Variants in CCDC85C observed in about 807,000 individuals in gnomAD.
The protein encoded by CCDC85C is coiled-coil domain-containing protein 85C.
In CCDC85C, 18 loss-of-function variants were observed where a neutral mutation model predicts 38.3. That is an observed-to-expected ratio of 0.47 (90% CI 0.33 to 0.70). The LOEUF (loss-of-function observed/expected upper bound fraction) is 0.70. CCDC85C is among the 30% of genes least tolerant of loss of function. The probability of loss-of-function intolerance (pLI) is 0.03; values close to 1 mark genes in which losing one functional copy is unlikely to be tolerated. For synonymous variants in CCDC85C, 264 were observed against 293.8 expected (o/e 0.90, Z 1.04); for missense variants, 566 against 621.2 (o/e 0.91, Z 0.94).
rs1232472621 is a variant in CCDC85C, at chr14:99,509,809, G to T, written c.*5437C>A. 8.7e-6 allele frequency: 3 copies of T among 344,870 alleles called. No homozygotes were observed. Among genetic ancestry groups the T allele is most frequent in the Admixed American group, 8.9e-5 (2 of 22,594 alleles). The allele number at this position is 344,870 out of a possible 1,614,324, so 21.4% of individuals were successfully genotyped here. On this transcript the variant is annotated 3_prime_UTR_variant, in exon 6 of 6. Transcript: ENST00000380243. The stretch of plus-strand genomic sequence containing the variant: ...TGACCCCTGGGGTCAGTTTCTGAAG[G>T]CAGAAAAACAGAGGAGCCCCCACAC...
intron 1 of CCDC85C, among the ~76,000 whole-genome samples, chr14:99,579,707 CA>C (rs2054944507): frequency 6.6e-6 from 1 of 152,184 alleles, no homozygotes; most frequent in Non-Finnish European, 1.5e-5. Context: ...CAGCGGGAGG[CA>C]GGGGCAGGCC....
chr14:99,563,527 AT>A (rs1298043706), intron 1 of CCDC85C, among the ~76,000 whole-genome samples: 1 of 152,252 alleles, frequency 6.6e-6, no homozygotes, highest in Non-Finnish European at 1.5e-5. Context: ...GGGCAGGTAC[AT>A]CCCCCAAAGG....
rs1160995415 is a variant in CCDC85C at position 99,511,896 on chromosome 14, C to T, written c.*3350G>A. ...CTGGAGGAGCAGCGGCCTCACTGTCCACCTTGAGGGGCCACGGCTCTGTCT... is the reference window on the plus strand; with the variant it reads ...CTGGAGGAGCAGCGGCCTCACTGTCTACCTTGAGGGGCCACGGCTCTGTCT... On this transcript the variant is annotated 3_prime_UTR_variant, in exon 6 of 6. Transcript: ENST00000380243. 2 of 152,410 alleles carry T rather than the reference C, an allele frequency of 1.3e-5. No homozygotes were observed. Among genetic ancestry groups the T allele is most frequent in the African/African-American group, 4.8e-5 (2 of 41,458 alleles). 9.4% of individuals were successfully genotyped at this position (152,410 alleles called of 1,614,324 possible). A position where few individuals can be genotyped will look rare whatever the true frequency, so the allele number is the denominator to read the frequency against.
intron 1 of CCDC85C, among the ~76,000 whole-genome samples, chr14:99,550,516 T>C (rs573364854): frequency 1.1e-4 from 17 of 152,314 alleles, no homozygotes; most frequent in Non-Finnish European, 1.8e-4. Context: ...GGTGTAGTCA[T>C]GTGTGACAGC....
Position 99,503,171 on chromosome 14 carries a change from CTG to C in CCDC85C, c.*12073_*12074del. 1.3e-6 allele frequency: 1 copy of C among 741,994 alleles called. No homozygotes were observed. The highest frequency in any genetic ancestry group is 1.5e-5 in the South Asian group (1 of 67,826). The allele number at this position is 741,994 out of a possible 1,614,324, so 46.0% of individuals were successfully genotyped here. A position where few individuals can be genotyped will look rare whatever the true frequency, so the allele number is the denominator to read the frequency against. Reference sequence around the variant, plus strand: ...AAGGTGCTCCAAGGACAGGCTGCCTCTGAGAACCAGGAGGGGGCTCTCTGCCC... The same window carrying C: ...AAGGTGCTCCAAGGACAGGCTGCCTCAGAACCAGGAGGGGGCTCTCTGCCC... On this transcript the variant is annotated 3_prime_UTR_variant, in exon 6 of 6. Transcript: ENST00000380243.
chr14:99,549,840 G>T (rs1324562817), intron 1 of CCDC85C, among the ~76,000 whole-genome samples: 1 of 152,224 alleles, frequency 6.6e-6, no homozygotes, highest in African/African-American at 2.4e-5. Flanking sequence ...TCTTCCAGCC[G>T]TGGAGAAGGA....
Position 99,569,655 on chromosome 14 carries a change from ACCACC to A in CCDC85C, c.793+33507_793+33511del, listed in dbSNP as rs2139960096. Among the ~76,000 whole-genome samples, 1 of 152,196 alleles carries A rather than the reference ACCACC, an allele frequency of 6.6e-6. No individual in the cohort carries two copies. The highest frequency in any genetic ancestry group is 2.4e-5 in the African/African-American group (1 of 41,530). On this transcript the variant is annotated intron_variant, in intron 1 of 5. Coordinates refer to ENST00000380243, the MANE Select transcript of CCDC85C (RefSeq NM_001144995.2). This position sits in a 1 kb window ranked among gnomAD's most constrained non-coding sequence, Gnocchi z 4.3. ...ATCCAGCCTCAAACCTGGATCCTAC[ACCACC>A]CCAGGCAACCTCATCAGCACTTGAG...
chr14:99,591,325 C>A (rs1326166087), intron 1 of CCDC85C, among the ~76,000 whole-genome samples: 5 of 152,234 alleles, frequency 3.3e-5, no homozygotes, highest in Admixed American at 3.3e-4. Context: ...GACACGTGGA[C>A]CCCCACATGC....
chr14:99,527,880 C>T (rs757331541), intron 2 of CCDC85C, among the ~76,000 whole-genome samples: 83 of 152,190 alleles, frequency 5.5e-4, no homozygotes, highest in Non-Finnish European at 5.9e-4. Flanking sequence ...CCAGCCCTGC[C>T]GCCCTGCAGA....
At chr14:99,577,443 T>C (rs1195313984) in intron 1 of CCDC85C, among the ~76,000 whole-genome samples, 1 of 133,978 alleles carries the variant, frequency 7.5e-6, no homozygotes, top group Non-Finnish European at 1.6e-5. Flanking sequence ...CCAGGGTGAC[T>C]CCATGTCTGC....
chr14:99,549,300 G>A (rs1054335979), intron 1 of CCDC85C, among the ~76,000 whole-genome samples: 3 of 152,156 alleles, frequency 2.0e-5, no homozygotes, highest in South Asian at 2.1e-4. Flanking sequence ...CTTCCTCCCC[G>A]GGTCCCCATT....
At chr14:99,586,052 C>G (rs527798520) in intron 1 of CCDC85C, among the ~76,000 whole-genome samples, 1 of 152,334 alleles carries the variant, frequency 6.6e-6, no homozygotes, top group Admixed American at 6.5e-5. Flanking sequence ...TCAGGCAGGG[C>G]TGGAGGGGAG....
chr14:99,586,951 G>A (rs1343266990), intron 1 of CCDC85C, among the ~76,000 whole-genome samples: 1 of 152,224 alleles, frequency 6.6e-6, no homozygotes, highest in Non-Finnish European at 1.5e-5. Flanking sequence ...CTCACAGAGG[G>A]CCTCTGCCCT....
intron 1 of CCDC85C, among the ~76,000 whole-genome samples, chr14:99,587,644 G>GGGC (rs2055041037): frequency 6.6e-6 from 1 of 152,174 alleles, no homozygotes; most frequent in Non-Finnish European, 1.5e-5. Context: ...GAAAGGTCAT[G>GGGC]GGCCTGGCGT....
rs1200919119 is a variant in CCDC85C at position 99,502,287 on chromosome 14, A to T, written c.*12959T>A. On this transcript the variant is annotated 3_prime_UTR_variant, in exon 6 of 6. Transcript: ENST00000380243. ...ATGTATCTCGCAGGACGTTTGTGCA[A>T]ATTTGAAATACAAGAATGGACCTCC... 6.2e-7 allele frequency: 1 copy of T among 1,612,116 alleles called. No homozygotes were observed. The highest frequency in any genetic ancestry group is 1.1e-5 in the South Asian group (1 of 90,434).
At position 99,501,592 on chromosome 14, in the gene CCDC85C, T is replaced by A; in HGVS notation, c.*13654A>T. 1 of 582,748 alleles carries A rather than the reference T, an allele frequency of 1.7e-6. No homozygotes were observed. Among genetic ancestry groups the A allele is most frequent in the Non-Finnish European group, 3.0e-6 (1 of 331,208 alleles). 36.1% of individuals were successfully genotyped at this position (582,748 alleles called of 1,614,324 possible). ...GGTCATCTGCTTCCCGGCAGAGGGT[T>A]TCCTTCTGCCCTGCCGTGTCATGGT... On this transcript the variant is annotated 3_prime_UTR_variant, in exon 6 of 6. Coordinates refer to ENST00000380243, the MANE Select transcript of CCDC85C (RefSeq NM_001144995.2).
Position 99,503,475 on chromosome 14 carries a change from C to T in CCDC85C, c.*11771G>A, listed in dbSNP as rs1308347827. On this transcript the variant is annotated 3_prime_UTR_variant, in exon 6 of 6. Coordinates refer to ENST00000380243, the MANE Select transcript of CCDC85C (RefSeq NM_001144995.2). ...GGTGCCGTGGTTTGCCCTGAAAGTT[C>T]AGGCTAGAAATAATTTTTGTCCGAG... is the stretch of plus-strand genomic sequence containing the variant. 49 of 691,612 alleles carry T rather than the reference C, an allele frequency of 7.1e-5. No individual in the cohort carries two copies. In the South Asian group the frequency reaches 9.0e-4, roughly 13 times the overall value. 42.8% of individuals were successfully genotyped at this position (691,612 alleles called of 1,614,324 possible).
In CCDC85C at chr14:99,513,407, A is replaced by G. The variant is rs1167698694; in HGVS notation, c.*1839T>C. On this transcript the variant is annotated 3_prime_UTR_variant, in exon 6 of 6. Transcript: ENST00000380243. ...CACCCAACTTCACGTGTACACCCCT[A>G]GTGACCGGGAGCGCACCACCTGACC... The G allele has an allele frequency of 2.0e-5, 3 of 152,234 alleles. No individual in the cohort carries two copies. Among genetic ancestry groups the G allele is most frequent in the African/African-American group, 7.2e-5 (3 of 41,456 alleles). 9.4% of individuals were successfully genotyped at this position (152,234 alleles called of 1,614,324 possible).
In CCDC85C at chr14:99,544,339, C is replaced by T. The variant is rs1897767142; in HGVS notation, c.794-8251G>A. 6.6e-6 allele frequency among the ~76,000 whole-genome samples: 1 copy of T among 152,120 alleles called. No homozygotes were observed. Among genetic ancestry groups the T allele is most frequent in the South Asian group, 2.1e-4 (1 of 4,830 alleles). The stretch of plus-strand genomic sequence containing the variant: ...CCCTGGGCCTCTCAAGACATCATCA[C>T]CATGGTTGTCAGGGCTGTTCATTCT... On this transcript the variant is annotated intron_variant, in intron 1 of 5. Transcript: ENST00000380243. This position sits in a 1 kb window ranked among gnomAD's most constrained non-coding sequence, Gnocchi z 5.3.
Sources: allele counts gnomAD v4.1 joint callset (sites outside exome capture counted in the v4.1 genomes callset), GRCh38; gene constraint gnomAD v4.1.1; non-coding constraint Gnocchi (gnomAD v3.1); transcripts MANE v1.5; gene names NCBI Gene and HGNC (gene_info 2026-07-23, HGNC 2026-07-21).